GRID1: variants seen among roughly 807,000 people sequenced by gnomAD.
The protein encoded by GRID1 is glutamate ionotropic receptor delta type subunit 1.
In GRID1, 28 loss-of-function variants were observed where a neutral mutation model predicts 98.0. That is an observed-to-expected ratio of 0.29 (90% CI 0.21 to 0.39). The LOEUF (loss-of-function observed/expected upper bound fraction) is 0.39, where lower values mean the gene tolerates loss of function less well. GRID1 is among the 10% of genes least tolerant of loss of function. The pLI, the probability that GRID1 is intolerant of heterozygous loss-of-function variation, is 1.00. For missense variants in GRID1, 1,111 were observed against 1,340.5 expected, an observed-to-expected ratio of 0.83 and a Z score of 2.67; for synonymous variants, 553 against 538.5, an observed-to-expected ratio of 1.03 and a Z score of -0.37.
At chr10:85,764,090 T>C (rs928039234) in intron 8 of GRID1, among the ~76,000 whole-genome samples, 1 of 152,162 alleles carries the variant, frequency 6.6e-6, no homozygotes, top group Non-Finnish European at 1.5e-5. Flanking sequence ...CTCCAGTTTG[T>C]TCAGGAACAG....
intron 3 of GRID1, among the ~76,000 whole-genome samples, chr10:86,190,542 C>G (rs1204462289): frequency 6.6e-6 from 1 of 152,202 alleles, no homozygotes; most frequent in Non-Finnish European, 1.5e-5. Flanking sequence ...CTGGTTAGGT[C>G]CCAGATGAAC....
chr10:85,955,506 G>C (rs924112917), intron 4 of GRID1, among the ~76,000 whole-genome samples: 1 of 152,170 alleles, frequency 6.6e-6, no homozygotes, highest in Admixed American at 6.5e-5. Flanking sequence ...AGTCAAAGCA[G>C]AAACAGCAGG....
At chr10:86,184,905 CATGTT>C (rs1845707912) in intron 3 of GRID1, among the ~76,000 whole-genome samples, 2 of 152,080 alleles carry the variant, frequency 1.3e-5, no homozygotes, top group African/African-American at 4.8e-5. Context: ...AAATTGAAGT[CATGTT>C]GTGTTAGTCC....
At chr10:85,794,279 C>G in intron 8 of GRID1, among the ~76,000 whole-genome samples, 1 of 152,136 alleles carries the variant, frequency 6.6e-6, no homozygotes, top group East Asian at 1.9e-4. Context: ...GATCAGTAAC[C>G]TAATCATTTA....
At chr10:86,352,691 C>T (rs375555456) in intron 2 of GRID1, among the ~76,000 whole-genome samples, 4 of 152,294 alleles carry the variant, frequency 2.6e-5, no homozygotes, top group East Asian at 3.9e-4. Flanking sequence ...AGGGCTTTGA[C>T]ATCATATTAG....
At chr10:85,875,022 C>T (rs1275463080) in intron 5 of GRID1, among the ~76,000 whole-genome samples, 8 of 152,026 alleles carry the variant, frequency 5.3e-5, no homozygotes, top group South Asian at 2.1e-4. Flanking sequence ...CATGCCACTA[C>T]GCCTGGCTAT....
Position 85,917,967 on chromosome 10 carries a change from C to A in GRID1, c.727-1728G>T, listed in dbSNP as rs576660366. 2.6e-4 allele frequency among the ~76,000 whole-genome samples: 40 copies of A among 152,322 alleles called. 1 individual carries two copies. The South Asian group carries it at 8.3e-3, about 32-fold the overall frequency. ...AGCCTCTCTCCTGTCAACATGCAGA[C>A]TTTCAGGGAGGTCTTCAAAAGCCTG... On this transcript the variant is annotated intron_variant, in intron 4 of 15. Transcript: ENST00000327946.
intron 4 of GRID1, among the ~76,000 whole-genome samples, chr10:85,997,880 T>C (rs1217678032): frequency 6.6e-6 from 1 of 152,114 alleles, no homozygotes; most frequent in Non-Finnish European, 1.5e-5. Flanking sequence ...CGGAAAAACA[T>C]ATTGTGGAAA....
intron 5 of GRID1, among the ~76,000 whole-genome samples, chr10:85,888,550 C>A (rs1166387511): frequency 6.6e-6 from 1 of 152,188 alleles, no homozygotes; most frequent in African/African-American, 2.4e-5. Flanking sequence ...TAACCATAAG[C>A]ACAAGGTGGA....
At chr10:86,168,803 G>A (rs768057598) in intron 3 of GRID1, among the ~76,000 whole-genome samples, 9 of 152,120 alleles carry the variant, frequency 5.9e-5, no homozygotes, top group Non-Finnish European at 1.2e-4. Context: ...CTTACCCTGG[G>A]GGACAGGGCA....
chr10:85,721,214 G>A lies in GRID1; in HGVS notation c.1997+1789C>T, dbSNP rs1841698814. On this transcript the variant is annotated intron_variant, in intron 12 of 15. Transcript: ENST00000327946. ...AACACCAAATGTCAGGAAAGATGCA[G>A]AGAAACTGGATTATTCTTACATCAC... Among the ~76,000 whole-genome samples the A allele has an allele frequency of 2.0e-5, 3 of 152,296 alleles. No homozygotes were observed. In the South Asian group the frequency reaches 6.2e-4, roughly 32 times the overall value.
chr10:85,801,275 ATTTTCATAG>A (rs1236352669), intron 8 of GRID1, among the ~76,000 whole-genome samples: 1 of 151,924 alleles, frequency 6.6e-6, no homozygotes, highest in Non-Finnish European at 1.5e-5. Flanking sequence ...AGTTCTTAAC[ATTTTCATAG>A]GCAATTTTTA....
At chr10:85,914,349 A>C (rs1841581511) in intron 5 of GRID1, among the ~76,000 whole-genome samples, 1 of 152,228 alleles carries the variant, frequency 6.6e-6, no homozygotes, top group South Asian at 2.1e-4. Flanking sequence ...CCAGCATCAG[A>C]CATTTGACTT....
intron 4 of GRID1, among the ~76,000 whole-genome samples, chr10:86,134,859 T>A (rs1844892225): frequency 6.6e-6 from 1 of 152,206 alleles, no homozygotes; most frequent in South Asian, 2.1e-4. Flanking sequence ...TTCCGTGCTC[T>A]TACAAGACTT....
intron 2 of GRID1, among the ~76,000 whole-genome samples, chr10:86,268,490 G>C (rs1283252117): frequency 1.3e-5 from 2 of 152,180 alleles, no homozygotes; most frequent in African/African-American, 2.4e-5. Flanking sequence ...TTGTTACCAC[G>C]GGGGCTAGCC....
At position 85,599,919 on chromosome 10, in the gene GRID1, T is replaced by TCTCTCACACACACA. The variant is rs1554857354; in HGVS notation, c.*2353_*2354insTGTGTGTGTGAGAG. 150 of 131,502 alleles carry TCTCTCACACACACA rather than the reference T, an allele frequency of 1.1e-3. 1 individual carries two copies. The highest frequency in any genetic ancestry group is 4.5e-3 in the African/African-American group (144 of 31,942). The allele number at this position is 131,502 out of a possible 1,614,324, so 8.1% of individuals were successfully genotyped here. ...GTCTCTCTCTCTCTCTCTCTCTCTC[T>TCTCTCACACACACA]CACACACACACACACACACAAACAC... On this transcript the variant is annotated 3_prime_UTR_variant, in exon 16 of 16. Transcript: ENST00000327946.
At chr10:85,693,148 TAAAC>T (rs1313628566) in intron 12 of GRID1, among the ~76,000 whole-genome samples, 1 of 150,390 alleles carries the variant, frequency 6.6e-6, no homozygotes, top group Non-Finnish European at 1.5e-5. Flanking sequence ...ATCAAGATAA[TAAAC>T]TAAGTAGTCA....
intron 3 of GRID1, among the ~76,000 whole-genome samples, chr10:86,142,716 G>A (rs1845027408): frequency 6.6e-6 from 1 of 152,232 alleles, no homozygotes; most frequent in South Asian, 2.1e-4. Context: ...TGTACCATGA[G>A]GGCTTGCATG....
At chr10:86,147,336 T>C (rs1284808566) in intron 3 of GRID1, among the ~76,000 whole-genome samples, 5 of 152,192 alleles carry the variant, frequency 3.3e-5, no homozygotes, top group Non-Finnish European at 7.3e-5. Flanking sequence ...AACTTTTGTT[T>C]TAGTTTCAGA....
Sources: allele counts gnomAD v4.1 joint callset (sites outside exome capture counted in the v4.1 genomes callset), GRCh38; gene constraint gnomAD v4.1.1; transcripts MANE v1.5; gene names NCBI Gene and HGNC (gene_info 2026-07-23, HGNC 2026-07-21).